CELF2: variants seen among roughly 807,000 people sequenced by gnomAD.
CELF2 encodes the protein CUGBP Elav-like family member 2.
Under a neutral mutation model 62.6 loss-of-function variants are expected in CELF2, and 8 were observed. The ratio of observed to expected loss-of-function variants is 0.13; its 90% CI spans 0.07 to 0.23. The LOEUF (loss-of-function observed/expected upper bound fraction) is 0.23. Among genes scored for constraint, CELF2 ranks in the 10% least tolerant of loss-of-function variants. The pLI, the probability that CELF2 is intolerant of heterozygous loss-of-function variation, is 1.00. For synonymous variants in CELF2, 258 were observed against 250.0 expected (o/e 1.03, Z -0.30); for missense variants, 333 against 671.0 (o/e 0.50, Z 5.56).
the CELF2 span, among the ~76,000 whole-genome samples, chr10:10,745,584 A>AAGAGTTAG: frequency 1.3e-5 from 2 of 152,130 alleles, no homozygotes; most frequent in African/African-American, 2.4e-5. Context: ...CCTGCTTGCC[A>AAGAGTTAG]AGAGTTAGTA....
chr10:11,257,495 A>G (rs2079165979), intron 4 of CELF2: 1 of 436,360 alleles, frequency 2.3e-6, no homozygotes, highest in Non-Finnish European at 4.3e-6. Context: ...TACATGTCAT[A>G]TTAAAACATT....
intron 8 of CELF2, among the ~76,000 whole-genome samples, chr10:11,281,508 C>T (rs1440037211): frequency 6.6e-6 from 1 of 152,110 alleles, no homozygotes; most frequent in Non-Finnish European, 1.5e-5. Context: ...ACTTGTAGTC[C>T]CAGCACTTTG....
chr10:10,875,335 T>A (rs2133495445), intron 1 of CELF2, among the ~76,000 whole-genome samples: 1 of 152,370 alleles, frequency 6.6e-6, no homozygotes, highest in African/African-American at 2.4e-5. Context: ...TTGTTTAGTT[T>A]TGGTTCATCT....
the CELF2 span, among the ~76,000 whole-genome samples, chr10:10,522,867 G>A: frequency 3.9e-5 from 6 of 152,212 alleles, no homozygotes; most frequent in Non-Finnish European, 8.8e-5. Flanking sequence ...ACCGTGTCTG[G>A]CCACCAGAAG....
intron 3 of CELF2, among the ~76,000 whole-genome samples, chr10:11,233,682 C>T (rs2069791776): frequency 6.6e-6 from 1 of 152,228 alleles, no homozygotes; most frequent in South Asian, 2.1e-4. Flanking sequence ...TTCCTCATCT[C>T]CTCTTCCTAC....
At chr10:10,904,802 A>G (rs2063207156) in intron 1 of CELF2, among the ~76,000 whole-genome samples, 1 of 152,342 alleles carries the variant, frequency 6.6e-6, no homozygotes, top group East Asian at 1.9e-4. Context: ...ACTGCTTTCA[A>G]AACTTCTAAT....
the CELF2 span, among the ~76,000 whole-genome samples, chr10:10,578,084 T>A: frequency 6.6e-6 from 1 of 152,200 alleles, no homozygotes; most frequent in Non-Finnish European, 1.5e-5. Context: ...TCATTGTGGT[T>A]TTGATTTGCA....
At position 10,928,393 on chromosome 10, in the gene CELF2, T is replaced by C. The variant is rs1290315210; in HGVS notation, c.89+8394T>C. Among the ~76,000 whole-genome samples the C allele has an allele frequency of 1.3e-5, 2 of 152,174 alleles. No individual in the cohort carries two copies. The highest frequency in any genetic ancestry group is 1.5e-5 in the Non-Finnish European group (1 of 68,032). On this transcript the variant is annotated intron_variant, in intron 2 of 13. Transcript: ENST00000636488. This position sits in a 1 kb window ranked among gnomAD's most constrained non-coding sequence, Gnocchi z 4.8. ...AAAGCCCAGTGTCATCTCTCTGCTCTTTTTCTCCCCTACCAAACTCTCTAC... is the reference window on the plus strand; with the variant it reads ...AAAGCCCAGTGTCATCTCTCTGCTCCTTTTCTCCCCTACCAAACTCTCTAC...
chr10:11,301,941 C>T (rs12769037), intron 9 of CELF2, among the ~76,000 whole-genome samples: 54,491 of 151,918 alleles, frequency 0.36, 12,239 homozygotes, highest in Non-Finnish European at 0.5. Flanking sequence ...CCAGACAGGG[C>T]GCCCAGGTCA....
At chr10:11,166,048 C>T (rs1016679291) in intron 2 of CELF2, among the ~76,000 whole-genome samples, 2 of 152,238 alleles carry the variant, frequency 1.3e-5, no homozygotes, top group Admixed American at 6.5e-5. Context: ...GGACCTAACT[C>T]TTCCCACCCC....
chr10:11,023,414 T>C (rs78912492), intron 1 of CELF2, among the ~76,000 whole-genome samples: 8,732 of 152,302 alleles, frequency 0.057, 305 homozygotes, highest in Middle Eastern at 0.14. Context: ...AAAACCTATG[T>C]GGGAAACAAA....
At chr10:10,686,853 G>T in the CELF2 span, among the ~76,000 whole-genome samples, 1 of 152,096 alleles carries the variant, frequency 6.6e-6, no homozygotes, top group Non-Finnish European at 1.5e-5. Context: ...CACTACAAAA[G>T]GCTCATTCCA....
chr10:10,696,354 GC>G, the CELF2 span, among the ~76,000 whole-genome samples: 1 of 151,730 alleles, frequency 6.6e-6, no homozygotes, highest in Non-Finnish European at 1.5e-5. Flanking sequence ...GAGGCAGTCT[GC>G]CCGTTCTCAG....
At chr10:10,850,601 T>G (rs2059325778) in intron 1 of CELF2, among the ~76,000 whole-genome samples, 14 of 152,200 alleles carry the variant, frequency 9.2e-5, no homozygotes, top group Admixed American at 9.2e-4. Flanking sequence ...TTGAATATGT[T>G]GGAGAGCCAC....
At chr10:11,027,702 A>G (rs949074024) in intron 1 of CELF2, among the ~76,000 whole-genome samples, 1 of 152,200 alleles carries the variant, frequency 6.6e-6, no homozygotes, top group Non-Finnish European at 1.5e-5. Flanking sequence ...TCCCAGCACC[A>G]GAGTGGAAGG....
chr10:10,527,272 T>C, the CELF2 span, among the ~76,000 whole-genome samples: 16 of 152,024 alleles, frequency 1.1e-4, no homozygotes, highest in South Asian at 3.1e-3. Context: ...CGAAACCCCA[T>C]CTCTACTAAA....
chr10:11,212,118 G>T (rs2062003316), intron 2 of CELF2, among the ~76,000 whole-genome samples: 1 of 152,156 alleles, frequency 6.6e-6, no homozygotes, highest in Non-Finnish European at 1.5e-5. Context: ...ATTACAGATT[G>T]CTTTCCAAGC....
intron 5 of CELF2, among the ~76,000 whole-genome samples, chr10:11,263,048 T>C (rs910160025): frequency 6.7e-5 from 10 of 148,346 alleles, no homozygotes; most frequent in Non-Finnish European, 1.2e-4. Flanking sequence ...AAGATATCCT[T>C]TCAATTGAAA....
intron 1 of CELF2, among the ~76,000 whole-genome samples, chr10:11,134,579 G>A (rs2060130492): frequency 6.6e-6 from 1 of 152,180 alleles, no homozygotes; most frequent in Non-Finnish European, 1.5e-5. Flanking sequence ...CCGTACCAGG[G>A]CTGTTCTGTG....
Sources: allele counts gnomAD v4.1 joint callset (sites outside exome capture counted in the v4.1 genomes callset), GRCh38; gene constraint gnomAD v4.1.1; non-coding constraint Gnocchi (gnomAD v3.1); transcripts MANE v1.5; gene names NCBI Gene and HGNC (gene_info 2026-07-23, HGNC 2026-07-21).